The following SPTBN2 variants were observed in gnomAD, a reference collection of about 807,000 sequenced individuals.
The protein encoded by SPTBN2 is spectrin beta, non-erythrocytic 2, also known as spectrin beta chain, non-erythrocytic 2.
In SPTBN2, 107 loss-of-function variants were observed where a neutral mutation model predicts 284.2. The observed-to-expected ratio is 0.38, with a 90% CI of 0.32 to 0.44. The LOEUF is 0.44. SPTBN2 is among the 20% of genes least tolerant of loss of function. The probability of loss-of-function intolerance (pLI) is 1.00; values close to 1 mark genes in which losing one functional copy is unlikely to be tolerated. For missense variants in SPTBN2, 2,569 were observed against 3,287.1 expected (o/e 0.78, Z 5.34); for synonymous variants, 1,289 against 1,354.8 (o/e 0.95, Z 1.07).
intron 25 of SPTBN2, 59 bp downstream of exon 25, chr11:66,692,911 C>T: frequency 6.3e-7 from 1 of 1,598,056 alleles, no homozygotes; most frequent in South Asian, 1.1e-5. Context: ...TTCCCTGCAC[C>T]TTCCTGTTCC....
chr11:66,694,478 C>T (rs922281832), intron 21 of SPTBN2, 115 bp from the exon 22 acceptor site: 2 of 1,051,834 alleles, frequency 1.9e-6, no homozygotes, highest in South Asian at 3.2e-5. Flanking sequence ...CTGCAGCTCA[C>T]CCAGGGAGAG....
chr11:66,717,489 C>CG (rs907330972), intron 3 of SPTBN2, among the ~76,000 whole-genome samples: 25 of 152,182 alleles, frequency 1.6e-4, no homozygotes, highest in African/African-American at 6.0e-4. Flanking sequence ...ACACCCACGT[C>CG]GCTCCGTGTC....
chr11:66,704,412 G>C (rs950461455), intron 15 of SPTBN2, among the ~76,000 whole-genome samples, 186 bp downstream of exon 15: 3 of 152,160 alleles, frequency 2.0e-5, no homozygotes, highest in Non-Finnish European at 2.9e-5. Context: ...CGGGTGTAGA[G>C]GGGTTTGTGG....
Position 66,700,278 on chromosome 11 carries a change from C to A in SPTBN2, c.3573+248G>T, listed in dbSNP as rs1016318087. Among the ~76,000 whole-genome samples, 3 of 152,012 alleles carry A rather than the reference C, an allele frequency of 2.0e-5. No homozygotes were observed. The highest frequency in any genetic ancestry group is 7.3e-5 in the African/African-American group (3 of 41,376). On this transcript the variant is annotated intron_variant, in intron 17 of 37. Coordinates refer to ENST00000533211, the MANE Select transcript of SPTBN2 (RefSeq NM_006946.4). The surrounding 1 kb of genome is among the most constrained non-coding windows in gnomAD (Gnocchi z 6.6). ...CTCCCATTTTTCTTTTTAAAAAATT[C>A]TTCTATTTTCTTAAAAAAATTTTTT...
In SPTBN2 at chr11:66,690,073, C is replaced by T; in HGVS notation, c.5776G>A (p.Val1926Ile). The part of the protein sequence containing the change: ...VRELMLWMDE[V>I]NLQMDAQERP... ...TCCTGGGCATCCATCTGCAGGTTGA[C>T]CTCATCCATCCAGAGCATCAGTTCC... Residue 1926 changes from valine (V) to isoleucine (I), a missense_variant, in exon 28 of 38, where the codon GTC (valine) becomes ATC (isoleucine). Val to Ile is a conservative substitution (Grantham distance 29, BLOSUM62 3). Transcript: ENST00000533211. The T allele has an allele frequency of 6.2e-7, 1 of 1,614,274 alleles. No individual in the cohort carries two copies. Among genetic ancestry groups the T allele is most frequent in the Non-Finnish European group, 8.5e-7 (1 of 1,180,054 alleles).
intron 6 of SPTBN2, 47 bp from the exon 7 acceptor site, chr11:66,714,218 CTA>C: frequency 6.2e-7 from 1 of 1,609,950 alleles, no homozygotes; most frequent in East Asian, 2.2e-5. Flanking sequence ...GAGCTCTGTT[CTA>C]TGACTCCAGG....
In SPTBN2 at chr11:66,736,942, T is replaced by A. The variant is rs1168815255; in HGVS notation, c.-475+7600A>T. ...TATCAGACCGTGTTTGAATTCTGGT[T>A]CATCTTTTTCTAATTGTGTGAACTT... is the stretch of plus-strand genomic sequence containing the variant. On this transcript the variant is annotated intron_variant, in intron 1 of 37. Transcript: ENST00000611817. Among the ~76,000 whole-genome samples, 3 of 152,354 alleles carry A rather than the reference T, an allele frequency of 2.0e-5. No individual in the cohort carries two copies. The East Asian group carries it at 5.8e-4, about 29-fold the overall frequency.
chr11:66,711,306 C>G (rs1487481156), intron 8 of SPTBN2, among the ~76,000 whole-genome samples: 1 of 152,174 alleles, frequency 6.6e-6, no homozygotes, highest in Non-Finnish European at 1.5e-5. Flanking sequence ...AGACCAAAAT[C>G]AGTTGTTTGG....
At chr11:66,713,508 C>G in intron 8 of SPTBN2, 123 bp downstream of exon 8, 1 of 788,214 alleles carries the variant, frequency 1.3e-6, no homozygotes, top group Non-Finnish European at 2.3e-6. Context: ...CTTCCCCCAC[C>G]AAAGAAGCCC....
At chr11:66,727,449 C>T (rs867231022) in intron 1 of SPTBN2, among the ~76,000 whole-genome samples, 5 of 152,302 alleles carry the variant, frequency 3.3e-5, no homozygotes, top group Non-Finnish European at 7.4e-5. Context: ...AAGTTCCAAG[C>T]GAGTGGAAGG....
chr11:66,717,854 A>C (rs1189386428), intron 3 of SPTBN2, among the ~76,000 whole-genome samples: 1 of 152,168 alleles, frequency 6.6e-6, no homozygotes, highest in Non-Finnish European at 1.5e-5. Context: ...TGATTCCCAA[A>C]AACACACCTA....
rs180706628 is a variant in SPTBN2, at chr11:66,691,260, C to G, written c.5565+24G>C. On this transcript the variant is annotated intron_variant, in intron 27 of 37. Transcript: ENST00000533211. The surrounding 1 kb of genome is among the most constrained non-coding windows in gnomAD (Gnocchi z 8.0). The stretch of plus-strand genomic sequence containing the variant: ...CCCATGGCCTCCTCTAAGCCTCCCC[C>G]ACCTCCTCATGCTTGGGTCAGACCT... The G allele has an allele frequency of 5.2e-4, 783 of 1,513,536 alleles. 3 individuals are homozygous for G. In the African/African-American group the frequency reaches 7.3e-3, roughly 14 times the overall value. The allele number at this position is 1,513,536 out of a possible 1,614,324, so 93.8% of individuals were successfully genotyped here. A position where few individuals can be genotyped will look rare whatever the true frequency, so the allele number is the denominator to read the frequency against.
At chr11:66,689,711 G>A in intron 29 of SPTBN2, 94 bp downstream of exon 29, 7 of 1,573,638 alleles carry the variant, frequency 4.4e-6, no homozygotes, top group Non-Finnish European at 5.2e-6. Context: ...AAGGTTTCTT[G>A]CAAAGAGAGA....
chr11:66,710,500 C>T lies in SPTBN2; in HGVS notation c.1073+82G>A. The T allele has an allele frequency of 2.1e-6, 3 of 1,440,826 alleles. No homozygotes were observed. Among genetic ancestry groups the T allele is most frequent in the South Asian group, 1.2e-5 (1 of 82,036 alleles). 89.3% of individuals were successfully genotyped at this position (1,440,826 alleles called of 1,614,324 possible). A position where few individuals can be genotyped will look rare whatever the true frequency, so the allele number is the denominator to read the frequency against. ...ACTGCATTTATGTACTGCCAAATTTCCCTCCCTGAAGGCTGTGCTAATTTA... is the reference window on the plus strand; with the variant it reads ...ACTGCATTTATGTACTGCCAAATTTTCCTCCCTGAAGGCTGTGCTAATTTA... On this transcript the variant is annotated intron_variant, in intron 10 of 37. Coordinates refer to ENST00000533211, the MANE Select transcript of SPTBN2 (RefSeq NM_006946.4). The surrounding 1 kb of genome is among the most constrained non-coding windows in gnomAD (Gnocchi z 4.9).
rs1055634786 is a variant in SPTBN2, at chr11:66,683,267, C to T, written c.*2604G>A. Among the ~76,000 whole-genome samples, 2 of 151,610 alleles carry T rather than the reference C, an allele frequency of 1.3e-5. No homozygotes were observed. Among genetic ancestry groups the T allele is most frequent in the Admixed American group, 6.6e-5 (1 of 15,218 alleles). ...ATTTTTAGTAGAGACGGGGTTTCAC[C>T]GTTTTAGCCGGGATGGTCTCGATCT... On this transcript the variant is annotated 3_prime_UTR_variant, in exon 38 of 38. Transcript: ENST00000533211.
At position 66,691,199 on chromosome 11, in the gene SPTBN2, C is replaced by A; in HGVS notation, c.5565+85G>T. The A allele has an allele frequency of 6.8e-7, 1 of 1,471,612 alleles. No individual in the cohort carries two copies. Among genetic ancestry groups the A allele is most frequent in the Non-Finnish European group, 9.0e-7 (1 of 1,108,324 alleles). The allele number at this position is 1,471,612 out of a possible 1,614,324, so 91.2% of individuals were successfully genotyped here. A position where few individuals can be genotyped will look rare whatever the true frequency, so the allele number is the denominator to read the frequency against. ...GCCGTCCTCCCAGCATTTCTGAGCT[C>A]TACCCTAGCTCCTGGGAACTCTCCC... On this transcript the variant is annotated intron_variant, in intron 27 of 37. Coordinates refer to ENST00000533211, the MANE Select transcript of SPTBN2 (RefSeq NM_006946.4). This position sits in a 1 kb window ranked among gnomAD's most constrained non-coding sequence, Gnocchi z 8.0.
In SPTBN2 at chr11:66,708,293, C is replaced by A; in HGVS notation, c.1198G>T (p.Glu400Ter). The change falls in exon 12 of 38, where the codon GAG becomes TAG. Residue 400 changes from glutamate (E) to a stop codon, truncating the protein, a stop_gained. Coordinates refer to ENST00000533211, the MANE Select transcript of SPTBN2 (RefSeq NM_006946.4). LOFTEE classifies it high-confidence loss of function. The surrounding 1 kb of genome is among the most constrained non-coding windows in gnomAD (Gnocchi z 4.4). ...TCGTGCTCCGCCTTCTCCAGCCGCT[C>A]CCAAGCCTATGGGGTGGGGACAGGG... ...RLISDINKAW[E>*]RLEKAEHERE... The A allele has an allele frequency of 6.3e-7, 1 of 1,593,006 alleles. No individual in the cohort carries two copies. The highest frequency in any genetic ancestry group is 8.6e-7 in the Non-Finnish European group (1 of 1,166,288).
chr11:66,716,196 G>A (rs527989974), intron 3 of SPTBN2, among the ~76,000 whole-genome samples: 1 of 151,938 alleles, frequency 6.6e-6, no homozygotes, highest in Admixed American at 6.5e-5. Flanking sequence ...ACAGAAAATA[G>A]GCGAAGGTTG....
intron 21 of SPTBN2, 119 bp from the exon 22 acceptor site, chr11:66,694,482 G>T: frequency 9.9e-7 from 1 of 1,005,542 alleles, no homozygotes. Flanking sequence ...AGCTCACCCA[G>T]GGAGAGCATC....
Sources: allele counts gnomAD v4.1 joint callset (sites outside exome capture counted in the v4.1 genomes callset), GRCh38; gene constraint gnomAD v4.1.1; non-coding constraint Gnocchi (gnomAD v3.1); transcripts MANE v1.5; gene names NCBI Gene and HGNC (gene_info 2026-07-23, HGNC 2026-07-21).